RBFOX1: variants seen among roughly 807,000 people sequenced by gnomAD.
The protein encoded by RBFOX1 is RNA binding fox-1 homolog 1.
RBFOX1 carries 8 observed loss-of-function variants against 57.7 expected under a neutral mutation model. That is an observed-to-expected ratio of 0.14 (90% CI 0.08 to 0.25). The LOEUF is 0.25. Ranked by LOEUF, RBFOX1 falls within the 10% of genes least tolerant of loss-of-function variation. The pLI is 1.00. For missense variants in RBFOX1, 611 were observed against 548.5 expected (o/e 1.11, Z -1.14); for synonymous variants, 326 against 222.4 (o/e 1.47, Z -4.15).
At chr16:5,285,785 G>T (rs544312872) in intron 1 of RBFOX1, among the ~76,000 whole-genome samples, 1 of 151,892 alleles carries the variant, frequency 6.6e-6, no homozygotes, top group Non-Finnish European at 1.5e-5. Flanking sequence ...TGTTGTTGTC[G>T]TTGCTGAGAT....
intron 4 of RBFOX1, among the ~76,000 whole-genome samples, chr16:5,927,880 A>C (rs570364413): frequency 6.6e-6 from 1 of 152,254 alleles, no homozygotes; most frequent in East Asian, 1.9e-4. Context: ...CCCACTTGTA[A>C]ATGGAATCTA....
chr16:5,756,965 A>T (rs1423024128), intron 3 of RBFOX1, among the ~76,000 whole-genome samples: 1 of 152,214 alleles, frequency 6.6e-6, no homozygotes, highest in East Asian at 1.9e-4. Context: ...CACAATAGAA[A>T]TTTACCAATG....
chr16:7,557,794 G>A (rs1012683273), intron 5 of RBFOX1, among the ~76,000 whole-genome samples: 2 of 152,046 alleles, frequency 1.3e-5, no homozygotes, highest in Admixed American at 6.6e-5. Flanking sequence ...GTGGGGGAAG[G>A]AGCGGGAGAG....
intron 4 of RBFOX1, among the ~76,000 whole-genome samples, chr16:7,185,267 A>C (rs1392529482): frequency 6.6e-6 from 1 of 152,096 alleles, no homozygotes; most frequent in Non-Finnish European, 1.5e-5. Context: ...AAATTGAAGG[A>C]GGTGTTTGCA....
intron 4 of RBFOX1, among the ~76,000 whole-genome samples, chr16:7,065,742 T>C (rs77037947): frequency 3.3e-5 from 5 of 152,144 alleles, no homozygotes; most frequent in African/African-American, 9.7e-5. Flanking sequence ...GCACAGTAGA[T>C]CTGATGAACT....
chr16:5,409,796 T>C (rs568561139), intron 1 of RBFOX1, among the ~76,000 whole-genome samples: 1 of 151,912 alleles, frequency 6.6e-6, no homozygotes, highest in African/African-American at 2.4e-5. Flanking sequence ...ACACCGGTAA[T>C]CCCAGCACTT....
At chr16:7,155,712 A>AAAATAT (rs1195367029) in intron 4 of RBFOX1, among the ~76,000 whole-genome samples, 1 of 77,420 alleles carries the variant, frequency 1.3e-5, no homozygotes, top group Non-Finnish European at 2.3e-5. Flanking sequence ...AAAAAAAAAA[A>AAAATAT]ATATATATAT....
intron 5 of RBFOX1, among the ~76,000 whole-genome samples, chr16:7,523,766 A>G (rs766021386): frequency 6.6e-6 from 1 of 152,184 alleles, no homozygotes; most frequent in East Asian, 1.9e-4. Context: ...AAACAATTAC[A>G]TCTGTATACT....
intron 1 of RBFOX1, among the ~76,000 whole-genome samples, chr16:6,216,578 G>A (rs1317696826): frequency 6.6e-6 from 1 of 152,200 alleles, no homozygotes; most frequent in Non-Finnish European, 1.5e-5. Context: ...CTTCGAGTGA[G>A]CAAAAGCAAA....
chr16:5,461,314 C>G (rs1194931982), intron 1 of RBFOX1, among the ~76,000 whole-genome samples: 1 of 152,218 alleles, frequency 6.6e-6, no homozygotes, highest in Non-Finnish European at 1.5e-5. Context: ...CTGCCCCGCA[C>G]TCTGCCGCCT....
At chr16:7,217,022 TCC>T (rs1567748468) in intron 4 of RBFOX1, among the ~76,000 whole-genome samples, 1 of 21,026 alleles carries the variant, frequency 4.8e-5, no homozygotes, top group African/African-American at 1.4e-4. Context: ...CCTCCCTCCC[TCC>T]CTCCCTCCCT....
chr16:5,284,652 C>G (rs1158615781), intron 1 of RBFOX1, among the ~76,000 whole-genome samples: 1 of 150,398 alleles, frequency 6.6e-6, no homozygotes, highest in African/African-American at 2.4e-5. Context: ...AATGATCTTC[C>G]TGCCTCAGTC....
intron 1 of RBFOX1, among the ~76,000 whole-genome samples, chr16:5,397,117 C>G (rs1413337809): frequency 3.9e-5 from 6 of 152,180 alleles, no homozygotes; most frequent in Admixed American, 1.3e-4. Context: ...TCAGCTCATC[C>G]AAAGGCAGAA....
intron 1 of RBFOX1, among the ~76,000 whole-genome samples, chr16:5,436,061 C>G (rs1043451962): frequency 6.6e-6 from 1 of 152,134 alleles, no homozygotes; most frequent in East Asian, 1.9e-4. Flanking sequence ...AAAACAAGCC[C>G]GTCTTCATAT....
chr16:6,707,507 A>G (rs9938507), intron 3 of RBFOX1, among the ~76,000 whole-genome samples: 4,817 of 138,750 alleles, frequency 0.035, 281 homozygotes, highest in African/African-American at 0.13. Context: ...TGTTGTAAAC[A>G]TCACTGCAGT....
chr16:7,425,622 C>G (rs2098603103), intron 4 of RBFOX1, among the ~76,000 whole-genome samples: 1 of 152,146 alleles, frequency 6.6e-6, no homozygotes, highest in African/African-American at 2.4e-5. Context: ...CTAAACTTCT[C>G]TGGATAAATG....
chr16:6,885,424 C>T (rs567597954), intron 3 of RBFOX1, among the ~76,000 whole-genome samples: 1 of 152,234 alleles, frequency 6.6e-6, no homozygotes, highest in Non-Finnish European at 1.5e-5. Flanking sequence ...ATTTTAATAA[C>T]AGCTGAGTTC....
chr16:5,313,810 A>G (rs2064157142), intron 1 of RBFOX1, among the ~76,000 whole-genome samples: 6 of 147,074 alleles, frequency 4.1e-5, no homozygotes, highest in Admixed American at 4.0e-4. Context: ...ACACGTGGGA[A>G]TGGTGGGAAT....
At chr16:5,961,994 G>A (rs1002943803) in intron 4 of RBFOX1, among the ~76,000 whole-genome samples, 1 of 152,136 alleles carries the variant, frequency 6.6e-6, no homozygotes, top group Non-Finnish European at 1.5e-5. Context: ...AAGGTATTGG[G>A]AGCCCATCTC....
Sources: gnomAD v4.1 joint callset for allele counts (sites outside exome capture counted in the v4.1 genomes callset) on GRCh38, gnomAD v4.1.1 for gene constraint, MANE v1.5 for transcripts, NCBI Gene and HGNC (gene_info 2026-07-23, HGNC 2026-07-21) for gene names.